IQUB: variants seen among roughly 807,000 people sequenced by gnomAD.
IQUB encodes IQ motif and ubiquitin-like domain-containing protein.
In IQUB, 86 loss-of-function variants were observed where a neutral mutation model predicts 86.4. The observed-to-expected ratio is 1.00, with a 90% CI of 0.84 to 1.19. The LOEUF (loss-of-function observed/expected upper bound fraction) is 1.19. Among genes scored for constraint, IQUB ranks in the 50% most tolerant of loss-of-function variants. The pLI, the probability that IQUB is intolerant of heterozygous loss-of-function variation, is 0.00. For missense variants in IQUB, 946 were observed against 916.9 expected (o/e 1.03, Z -0.41); for synonymous variants, 289 against 304.5 (o/e 0.95, Z 0.53).
At chr7:123,455,393 C>G (rs1019910992) in intron 12 of IQUB, among the ~76,000 whole-genome samples, 11 of 152,060 alleles carry the variant, frequency 7.2e-5, no homozygotes, top group African/African-American at 2.4e-4. Context: ...ACCTCTGAGA[C>G]CTTTACTTTC....
At chr7:123,500,614 G>C (rs549300720) in intron 6 of IQUB, among the ~76,000 whole-genome samples, 1 of 151,924 alleles carries the variant, frequency 6.6e-6, no homozygotes, top group Non-Finnish European at 1.5e-5. Context: ...CTTATTAAAC[G>C]GAAATGTACT....
chr7:123,504,604 C>T (rs934479829), intron 3 of IQUB, among the ~76,000 whole-genome samples: 3 of 151,936 alleles, frequency 2.0e-5, no homozygotes, highest in African/African-American at 7.2e-5. Context: ...GGAGGAGGTG[C>T]TACACACTTT....
At chr7:123,480,485 T>A (rs976142978) in intron 7 of IQUB, among the ~76,000 whole-genome samples, 2 of 152,110 alleles carry the variant, frequency 1.3e-5, no homozygotes, top group African/African-American at 4.8e-5. Flanking sequence ...TTGTAGTCAA[T>A]CATATCAGAG....
intron 12 of IQUB, among the ~76,000 whole-genome samples, chr7:123,454,919 T>C (rs145787232): frequency 1.3e-4 from 20 of 152,232 alleles, no homozygotes; most frequent in African/African-American, 4.3e-4. Flanking sequence ...GTTTCTCTAC[T>C]GTAAAGGTCC....
chr7:123,492,759 A>C lies in IQUB; in HGVS notation c.1234+3937T>G, dbSNP rs1456503789. The stretch of plus-strand genomic sequence containing the variant: ...ACTCACCCCACTCTCCAGGCCTCTC[A>C]GATGATTCAAACTCACCATCCTGAG... On this transcript the variant is annotated intron_variant, in intron 7 of 12. Transcript: ENST00000324698. Among the ~76,000 whole-genome samples, 4 of 152,090 alleles carry C rather than the reference A, an allele frequency of 2.6e-5. No individual in the cohort carries two copies. The South Asian group carries it at 8.3e-4, about 32-fold the overall frequency.
At position 123,509,936 on chromosome 7, in the gene IQUB, C is replaced by A; in HGVS notation, c.497G>T (p.Gly166Val). Residue 166 changes from glycine to valine, a missense_variant, in exon 3 of 13, where the codon GGT becomes GTT. Transcript: ENST00000324698. Reference sequence around the variant, plus strand: ...TATCTGCAGTACAGAATGTGGGATACCTAATAAGTGTGAAAAATGGTCCTT... The same window carrying A: ...TATCTGCAGTACAGAATGTGGGATAACTAATAAGTGTGAAAAATGGTCCTT... ...YLKDHFSHLLGIPHSVLQIRY... is the reference protein window; with the variant it reads ...YLKDHFSHLLVIPHSVLQIRY... 1 of 1,609,466 alleles carries A rather than the reference C, an allele frequency of 6.2e-7. No individual in the cohort carries two copies. The highest frequency in any genetic ancestry group is 8.5e-7 in the Non-Finnish European group (1 of 1,177,940).
rs943296944 is a variant in IQUB at position 123,452,243 on chromosome 7, G to A, written c.*500C>T. The stretch of plus-strand genomic sequence containing the variant: ...ATTATGAGAAGGATGGAAGGTGAAA[G>A]CAGACGATAAACTGCAAAGATTCAA... On this transcript the variant is annotated 3_prime_UTR_variant, in exon 13 of 13. Transcript: ENST00000324698. Among the ~76,000 whole-genome samples the A allele has an allele frequency of 9.2e-5, 14 of 152,084 alleles. No homozygotes were observed. The highest frequency in any genetic ancestry group is 2.4e-5 in the African/African-American group (1 of 41,392).
chr7:123,460,160 G>A (rs1793915831), intron 11 of IQUB, among the ~76,000 whole-genome samples: 1 of 151,910 alleles, frequency 6.6e-6, no homozygotes, highest in South Asian at 2.1e-4. Flanking sequence ...ACTTGGACAA[G>A]TTAGTTAACC....
At chr7:123,505,687 C>T (rs1488381405) in intron 3 of IQUB, among the ~76,000 whole-genome samples, 1 of 152,196 alleles carries the variant, frequency 6.6e-6, no homozygotes, top group Non-Finnish European at 1.5e-5. Flanking sequence ...AACCACTTTT[C>T]CCTCCTAGGC....
At chr7:123,513,275 T>C (rs949819089) in intron 1 of IQUB, among the ~76,000 whole-genome samples, 2 of 152,208 alleles carry the variant, frequency 1.3e-5, no homozygotes, top group Admixed American at 6.5e-5. Context: ...ATATAATTGT[T>C]TATCTCAGTG....
intron 7 of IQUB, among the ~76,000 whole-genome samples, chr7:123,486,150 A>T (rs746782370): frequency 1.3e-5 from 2 of 152,172 alleles, no homozygotes; most frequent in Non-Finnish European, 2.9e-5. Context: ...GATATTTTTG[A>T]TAAATCACTC....
chr7:123,460,840 C>T (rs750661205), intron 11 of IQUB, among the ~76,000 whole-genome samples: 7 of 151,794 alleles, frequency 4.6e-5, no homozygotes, highest in Admixed American at 6.6e-5. Flanking sequence ...GAAGTTCTTA[C>T]GAGAAGCAGA....
At chr7:123,491,028 C>T (rs960767008) in intron 7 of IQUB, among the ~76,000 whole-genome samples, 2 of 151,096 alleles carry the variant, frequency 1.3e-5, no homozygotes, top group Admixed American at 1.3e-4. Flanking sequence ...ATTACATTCT[C>T]TCATTACAAT....
chr7:123,509,025 C>A (rs1450587228), intron 3 of IQUB, among the ~76,000 whole-genome samples: 1 of 152,102 alleles, frequency 6.6e-6, no homozygotes, highest in Non-Finnish European at 1.5e-5. Flanking sequence ...TTTTAACAAT[C>A]ACTTATCTGA....
At chr7:123,492,930 C>T (rs1009899672) in intron 7 of IQUB, among the ~76,000 whole-genome samples, 15 of 152,120 alleles carry the variant, frequency 9.9e-5, no homozygotes, top group African/African-American at 3.6e-4. Flanking sequence ...TTAAACAGGA[C>T]CAAGAGCACC....
chr7:123,527,459 G>A (rs574021830), intron 1 of IQUB, among the ~76,000 whole-genome samples: 1 of 152,046 alleles, frequency 6.6e-6, no homozygotes, highest in South Asian at 2.1e-4. Context: ...TCTACTTTTG[G>A]TCTTTGATGA....
intron 1 of IQUB, among the ~76,000 whole-genome samples, chr7:123,531,044 G>A (rs1797516850): frequency 6.6e-6 from 1 of 152,078 alleles, no homozygotes; most frequent in South Asian, 2.1e-4. Context: ...AACTGGAACT[G>A]TCAAGAAACT....
At chr7:123,459,290 A>C (rs750716376) in intron 11 of IQUB, among the ~76,000 whole-genome samples, 10 of 152,010 alleles carry the variant, frequency 6.6e-5, no homozygotes, top group Non-Finnish European at 1.2e-4. Context: ...ATGCCACCGG[A>C]TACCCAGATA....
intron 1 of IQUB, among the ~76,000 whole-genome samples, chr7:123,514,338 T>A (rs1314161662): frequency 6.6e-6 from 1 of 152,186 alleles, no homozygotes; most frequent in Admixed American, 6.5e-5. Flanking sequence ...ATTTACAAGT[T>A]AGTTACTAAG....
Sources: gnomAD v4.1 joint callset for allele counts (sites outside exome capture counted in the v4.1 genomes callset) on GRCh38, gnomAD v4.1.1 for gene constraint, MANE v1.5 for transcripts, NCBI Gene and HGNC (gene_info 2026-07-23, HGNC 2026-07-21) for gene names.